USP7: variants seen among roughly 807,000 people sequenced by gnomAD.
The protein encoded by USP7 is ubiquitin specific peptidase 7.
A neutral mutation model predicts 162.9 loss-of-function variants in USP7; 9 were observed. The observed-to-expected ratio is 0.06, with a 90% CI of 0.03 to 0.10. USP7 has a LOEUF of 0.10. Ranked by LOEUF, USP7 falls within the 10% of genes least tolerant of loss-of-function variation. USP7 has a pLI of 1.00. For synonymous variants in USP7, 562 were observed against 475.9 expected, an observed-to-expected ratio of 1.18 and a Z score of -2.35; for missense variants, 715 against 1,373.7, an observed-to-expected ratio of 0.52 and a Z score of 7.58.
Position 8,904,504 on chromosome 16 carries a change from T to G in USP7, c.1635A>C (p.Gln545His). The G allele has an allele frequency of 6.2e-7, 1 of 1,614,200 alleles. No homozygotes were observed. The highest frequency in any genetic ancestry group is 1.1e-5 in the South Asian group (1 of 91,086). ...DIPQQLVERL[Q>H]EEKRIEAQKR... Reference sequence around the variant, plus strand: ...TCTGAGCCTCGATCCTTTTCTCTTCTTGTAATCGCTCCACCAACTGCTGAG... The same window carrying G: ...TCTGAGCCTCGATCCTTTTCTCTTCGTGTAATCGCTCCACCAACTGCTGAG... The change falls in exon 15 of 31, where the codon CAA (glutamine) becomes CAC (histidine). Residue 545 changes from glutamine to histidine, a missense_variant. Transcript: ENST00000344836.
chr16:8,919,489 G>A (rs746017831), intron 5 of USP7, among the ~76,000 whole-genome samples: 8 of 151,980 alleles, frequency 5.3e-5, no homozygotes, highest in African/African-American at 1.2e-4. Context: ...TCACACGCAA[G>A]GTCAGCACAA....
At chr16:8,916,969 TAAAAAA>T in intron 7 of USP7, 51 bp downstream of exon 7, 35 of 1,294,726 alleles carry the variant, frequency 2.7e-5, no homozygotes, top group Admixed American at 9.5e-5. Context: ...TCACTTGTCC[TAAAAAA>T]AAAAAAAAAA....
chr16:8,957,080 A>C (rs1190257284), intron 1 of USP7, among the ~76,000 whole-genome samples: 1 of 152,188 alleles, frequency 6.6e-6, no homozygotes, highest in African/African-American at 2.4e-5. Flanking sequence ...CATACAAGAA[A>C]CGTACTAATT....
At chr16:8,955,505 G>T (rs1242598642) in intron 1 of USP7, among the ~76,000 whole-genome samples, 1 of 152,074 alleles carries the variant, frequency 6.6e-6, no homozygotes, top group Non-Finnish European at 1.5e-5. Context: ...GGCAGCTCAT[G>T]AGGTCAGGCC....
chr16:8,940,874 C>A (rs1899011083), intron 1 of USP7, among the ~76,000 whole-genome samples: 2 of 151,388 alleles, frequency 1.3e-5, no homozygotes, highest in African/African-American at 2.5e-5. Flanking sequence ...TATACAGTGT[C>A]CAGAACCTGG....
At chr16:8,906,895 A>T (rs946833367) in intron 12 of USP7, among the ~76,000 whole-genome samples, 1 of 152,238 alleles carries the variant, frequency 6.6e-6, no homozygotes, top group Non-Finnish European at 1.5e-5. Flanking sequence ...CAAATTCAGA[A>T]AGACATGTAA....
At chr16:8,906,361 G>T (rs1487674224) in intron 13 of USP7, 65 bp downstream of exon 13, 14 of 1,568,346 alleles carry the variant, frequency 8.9e-6, no homozygotes, top group Admixed American at 1.8e-5. Context: ...ACCAGAACAG[G>T]CTGAAGCAGA....
At chr16:8,946,990 C>T (rs1475720543) in intron 1 of USP7, among the ~76,000 whole-genome samples, 3 of 152,044 alleles carry the variant, frequency 2.0e-5, no homozygotes, top group African/African-American at 7.3e-5. Flanking sequence ...GGTAATGGGG[C>T]GGGGTGAATT....
intron 1 of USP7, among the ~76,000 whole-genome samples, chr16:8,944,599 C>A (rs1175294342): frequency 6.6e-6 from 1 of 152,150 alleles, no homozygotes; most frequent in Non-Finnish European, 1.5e-5. Flanking sequence ...TTGAATAAAA[C>A]CACAAAAGGG....
At chr16:8,955,946 G>A (rs768827892) in intron 1 of USP7, among the ~76,000 whole-genome samples, 1 of 152,150 alleles carries the variant, frequency 6.6e-6, no homozygotes, top group Non-Finnish European at 1.5e-5. Flanking sequence ...GGGGTGGCAA[G>A]AGAGACAGCC....
intron 13 of USP7, among the ~76,000 whole-genome samples, chr16:8,905,728 A>G (rs568916980): frequency 8.5e-5 from 13 of 152,318 alleles, no homozygotes; most frequent in African/African-American, 3.1e-4. Context: ...TAGTTATCAA[A>G]CTAAATGAGC....
At chr16:8,935,423 C>T (rs1377582932) in intron 1 of USP7, among the ~76,000 whole-genome samples, 1 of 152,154 alleles carries the variant, frequency 6.6e-6, no homozygotes, top group Non-Finnish European at 1.5e-5. Context: ...GTTGGCCAGG[C>T]TGGTCTCGAA....
At chr16:8,921,118 A>C (rs1897669732) in intron 4 of USP7, 39 bp downstream of exon 4, 1 of 1,604,352 alleles carries the variant, frequency 6.2e-7, no homozygotes, top group African/African-American at 1.3e-5. Flanking sequence ...AACAAGCAGT[A>C]ATGCACCAAT....
intron 8 of USP7, 53 bp from the exon 9 acceptor site, chr16:8,915,578 T>G (rs754760540): frequency 2.8e-6 from 4 of 1,442,670 alleles, no homozygotes; most frequent in African/African-American, 1.4e-5. Context: ...TAGTAATATA[T>G]ACAGTAATTT....
intron 2 of USP7, among the ~76,000 whole-genome samples, chr16:8,928,285 A>G (rs1195188005): frequency 6.6e-6 from 1 of 152,136 alleles, no homozygotes; most frequent in Non-Finnish European, 1.5e-5. Context: ...TGCTTCCCAG[A>G]TTGTGTGCCC....
At chr16:8,929,950 C>T (rs1235802573) in intron 2 of USP7, among the ~76,000 whole-genome samples, 3 of 152,212 alleles carry the variant, frequency 2.0e-5, no homozygotes, top group South Asian at 2.1e-4. Flanking sequence ...AATGTCTGCA[C>T]GTATCTTGCT....
chr16:8,931,422 A>G (rs1040916044), intron 1 of USP7, among the ~76,000 whole-genome samples: 5 of 152,204 alleles, frequency 3.3e-5, no homozygotes, highest in African/African-American at 1.2e-4. Context: ...CCTGGCCTCA[A>G]GTGATCCACC....
intron 1 of USP7, among the ~76,000 whole-genome samples, chr16:8,961,648 G>A (rs933414524): frequency 4.6e-5 from 7 of 152,118 alleles, no homozygotes; most frequent in African/African-American, 1.7e-4. Context: ...GTAGGACAAT[G>A]TCATGGGAAA....
At position 8,894,596 on chromosome 16, in the gene USP7, A is replaced by T; in HGVS notation, c.3156T>A (p.Asn1052Lys). 6.2e-7 allele frequency: 1 copy of T among 1,613,828 alleles called. No homozygotes were observed. Among genetic ancestry groups the T allele is most frequent in the Non-Finnish European group, 8.5e-7 (1 of 1,180,014 alleles). Reference protein sequence around the residue: ...IVMMGRHQYINEDEYEVNLKD... With the variant: ...IVMMGRHQYIKEDEYEVNLKD... Reference sequence around the variant, plus strand: ...TCAAATTTACTTCATACTCGTCTTCATTTATGTACTGGTGTCGGCCCATCA... The same window carrying T: ...TCAAATTTACTTCATACTCGTCTTCTTTTATGTACTGGTGTCGGCCCATCA... The change falls in exon 30 of 31, where the codon AAT (asparagine) becomes AAA (lysine). Residue 1052 changes from asparagine to lysine, a missense_variant. Asn to Lys is a moderately conservative substitution (Grantham distance 94). Transcript: ENST00000344836.
Sources: allele counts gnomAD v4.1 joint callset (sites outside exome capture counted in the v4.1 genomes callset), GRCh38; gene constraint gnomAD v4.1.1; transcripts MANE v1.5; gene names NCBI Gene and HGNC (gene_info 2026-07-23, HGNC 2026-07-21).